TEK: variants seen among roughly 807,000 people sequenced by gnomAD.
TEK encodes TEK receptor tyrosine kinase.
TEK carries 43 observed loss-of-function variants against 131.8 expected under a neutral mutation model. The ratio of observed to expected loss-of-function variants is 0.33; its 90% CI spans 0.26 to 0.42. The LOEUF is 0.42. Ranked by LOEUF, TEK falls within the 10% of genes least tolerant of loss-of-function variation. The pLI is 1.00. For missense variants in TEK, 1,162 were observed against 1,384.4 expected (o/e 0.84, Z 2.55); for synonymous variants, 580 against 491.6 (o/e 1.18, Z -2.38).
At chr9:27,175,021 T>A (rs908314664) in intron 6 of TEK, among the ~76,000 whole-genome samples, 2 of 150,962 alleles carry the variant, frequency 1.3e-5, no homozygotes, top group African/African-American at 4.9e-5. Flanking sequence ...AGTTTTAGGG[T>A]ACATGTGCAC....
intron 1 of TEK, 68 bp downstream of exon 1, chr9:27,109,710 C>G (rs1388037922): frequency 2.7e-6 from 4 of 1,503,610 alleles, no homozygotes; most frequent in East Asian, 2.3e-5. Flanking sequence ...TCTGGGTGCT[C>G]TCCCCAAATC....
chr9:27,204,888 T>C (rs375054175), intron 13 of TEK, 23 bp from the exon 14 acceptor site: 2 of 1,613,326 alleles, frequency 1.2e-6, no homozygotes, highest in African/African-American at 2.7e-5. Context: ...AACTACCTGC[T>C]TCACCTCTGT....
intron 1 of TEK, among the ~76,000 whole-genome samples, chr9:27,146,701 G>T (rs1281985844): frequency 2.6e-5 from 4 of 151,092 alleles, no homozygotes; most frequent in African/African-American, 4.9e-5. Flanking sequence ...TGAATAAATA[G>T]AGCTGCTATA....
rs1824446965 is a variant in TEK, at chr9:27,182,980, ATC to A, written c.1031-474_1031-473del. 2.0e-5 allele frequency among the ~76,000 whole-genome samples: 3 copies of A among 152,348 alleles called. No individual in the cohort carries two copies. In the South Asian group the frequency reaches 6.2e-4, roughly 32 times the overall value. On this transcript the variant is annotated intron_variant, in intron 7 of 22. Transcript: ENST00000380036. ...TTGCAGACTTCCCAATGAATGAGAC[ATC>A]TCTCGTATATCTAAACTGAGGTCAA...
intron 9 of TEK, among the ~76,000 whole-genome samples, chr9:27,189,982 T>C (rs924808795): frequency 6.6e-6 from 1 of 152,138 alleles, no homozygotes; most frequent in African/African-American, 2.4e-5. Flanking sequence ...AAGTAGAGGT[T>C]CTGTGAAAGT....
At chr9:27,135,115 T>G (rs568062934) in intron 1 of TEK, among the ~76,000 whole-genome samples, 2 of 152,016 alleles carry the variant, frequency 1.3e-5, no homozygotes, top group Admixed American at 6.6e-5. Flanking sequence ...ATCCCGCTAC[T>G]TGGGAGGCTG....
At chr9:27,159,337 C>T (rs1374031810) in intron 2 of TEK, among the ~76,000 whole-genome samples, 2 of 152,108 alleles carry the variant, frequency 1.3e-5, no homozygotes, top group African/African-American at 2.4e-5. Flanking sequence ...CAGAATTGTA[C>T]ACTATCACTT....
At chr9:27,218,280 G>A (rs1253147417) in intron 19 of TEK, among the ~76,000 whole-genome samples, 1 of 151,756 alleles carries the variant, frequency 6.6e-6, no homozygotes, top group Non-Finnish European at 1.5e-5. Context: ...TTGTCCAAGG[G>A]GTTTTGCTGA....
At chr9:27,222,986 A>G (rs373601928) in intron 21 of TEK, among the ~76,000 whole-genome samples, 23 of 152,342 alleles carry the variant, frequency 1.5e-4, no homozygotes, top group African/African-American at 4.8e-4. Flanking sequence ...AGTCTCTGAT[A>G]AAACAGACTA....
chr9:27,180,132 A>G (rs1824308961), intron 6 of TEK, 108 bp from the exon 7 acceptor site: 4 of 1,525,940 alleles, frequency 2.6e-6, no homozygotes, highest in Middle Eastern at 3.4e-4. Context: ...CCTTACACAA[A>G]TCAGCAAAGT....
At chr9:27,228,122 C>G in intron 21 of TEK, 84 bp from the exon 22 acceptor site, 2 of 1,186,854 alleles carry the variant, frequency 1.7e-6, no homozygotes, top group Non-Finnish European at 1.2e-6. Flanking sequence ...CATTGGGTGG[C>G]TTCATTCTCT....
intron 1 of TEK, among the ~76,000 whole-genome samples, chr9:27,143,981 C>T (rs1343072709): frequency 6.6e-6 from 1 of 152,060 alleles, no homozygotes; most frequent in Non-Finnish European, 1.5e-5. Context: ...GGGAGTATAG[C>T]TCATGAAAAA....
intron 5 of TEK, 62 bp downstream of exon 5, chr9:27,172,809 A>T (rs1824008325): frequency 6.2e-7 from 1 of 1,602,890 alleles, no homozygotes; most frequent in Admixed American, 1.7e-5. Flanking sequence ...CTGGATCTAG[A>T]ATTTTAGATC....
At chr9:27,215,687 T>G (rs143143411) in intron 18 of TEK, among the ~76,000 whole-genome samples, 99 of 152,278 alleles carry the variant, frequency 6.5e-4, no homozygotes, top group African/African-American at 2.2e-3. Flanking sequence ...CATCATGGAT[T>G]TGTTAGTACA....
chr9:27,212,635 C>T (rs1825678001), intron 16 of TEK, 72 bp from the exon 17 acceptor site: 1 of 1,552,514 alleles, frequency 6.4e-7, no homozygotes, highest in Non-Finnish European at 8.9e-7. Context: ...AGGCAATTTC[C>T]ACAGCACATC....
intron 2 of TEK, among the ~76,000 whole-genome samples, 156 bp from the exon 3 acceptor site, chr9:27,168,339 A>C (rs975229603): frequency 1.3e-5 from 2 of 152,230 alleles, no homozygotes; most frequent in African/African-American, 4.8e-5. Flanking sequence ...ATGTTAAGAA[A>C]GGTTAAAACG....
At chr9:27,115,308 G>A (rs1168464258) in intron 1 of TEK, among the ~76,000 whole-genome samples, 2 of 152,062 alleles carry the variant, frequency 1.3e-5, no homozygotes, top group African/African-American at 4.8e-5. Context: ...AGATCAGCCT[G>A]GGCAACGTGG....
At chr9:27,217,587 A>G (rs535826088) in intron 18 of TEK, 101 bp from the exon 19 acceptor site, 2 of 990,426 alleles carry the variant, frequency 2.0e-6, no homozygotes, top group South Asian at 1.3e-5. Flanking sequence ...ATGATTTCTG[A>G]GTCTACCCAG....
chr9:27,155,451 G>C (rs1386655548), intron 1 of TEK, among the ~76,000 whole-genome samples: 1 of 152,100 alleles, frequency 6.6e-6, no homozygotes. Context: ...ATAAAATGCA[G>C]GTGTAACTCC....
Sources: gnomAD v4.1 joint callset for allele counts (sites outside exome capture counted in the v4.1 genomes callset) on GRCh38, gnomAD v4.1.1 for gene constraint, MANE v1.5 for transcripts, NCBI Gene and HGNC (gene_info 2026-07-23, HGNC 2026-07-21) for gene names.